Variants in PHF24 observed in about 807,000 individuals in gnomAD.
The protein encoded by PHF24 is PHD finger protein 24.
In PHF24, 25 loss-of-function variants were observed where a neutral mutation model predicts 42.6. The observed-to-expected ratio is 0.59, with a 90% CI of 0.43 to 0.82. The LOEUF (loss-of-function observed/expected upper bound fraction) is 0.82, where lower values mean the gene tolerates loss of function less well. Ranked by LOEUF, PHF24 falls within the 40% of genes least tolerant of loss-of-function variation. PHF24 has a pLI of 0.00. For missense variants in PHF24, 470 were observed against 538.1 expected, an observed-to-expected ratio of 0.87 and a Z score of 1.25; for synonymous variants, 185 against 204.8, an observed-to-expected ratio of 0.90 and a Z score of 0.83.
the PHF24 span, among the ~76,000 whole-genome samples, chr9:34,701,826 T>C: frequency 6.6e-6 from 1 of 151,962 alleles, no homozygotes; most frequent in Non-Finnish European, 1.5e-5. The surrounding 1 kb of genome is among the most constrained non-coding windows in gnomAD (Gnocchi z 5.8). Context: ...GGAAGGCCCG[T>C]GTTTGTCGGC....
the PHF24 span, among the ~76,000 whole-genome samples, chr9:34,911,393 A>G: frequency 3.3e-5 from 5 of 152,112 alleles, no homozygotes; most frequent in African/African-American, 9.7e-5. Flanking sequence ...AGCTGGGATT[A>G]CAGGTGCCCG....
chr9:34,689,874 G>C, the PHF24 span: 4 of 1,614,188 alleles, frequency 2.5e-6, no homozygotes, highest in Non-Finnish European at 3.4e-6. The surrounding 1 kb of genome is among the most constrained non-coding windows in gnomAD (Gnocchi z 4.1). Flanking sequence ...TCATGGGCTG[G>C]AATCTTAGAC....
At chr9:34,809,975 A>G in the PHF24 span, among the ~76,000 whole-genome samples, 3 of 150,720 alleles carry the variant, frequency 2.0e-5, no homozygotes, top group Non-Finnish European at 4.4e-5. The surrounding 1 kb of genome is among the most constrained non-coding windows in gnomAD (Gnocchi z 4.1). Context: ...CCTGCCGGCC[A>G]AGAAAGCCTC....
the PHF24 span, among the ~76,000 whole-genome samples, chr9:34,808,800 C>T: frequency 6.8e-6 from 1 of 148,076 alleles, no homozygotes; most frequent in East Asian, 2.0e-4. Flanking sequence ...GGCAAATCAC[C>T]TCCTAAAGGT....
chr9:34,837,029 G>C, the PHF24 span: 1 of 470,480 alleles, frequency 2.1e-6, no homozygotes, highest in Non-Finnish European at 4.4e-6. Context: ...CCACAGGCCA[G>C]GCTGGTGTTT....
the PHF24 span, among the ~76,000 whole-genome samples, chr9:34,677,644 C>T: frequency 2.6e-5 from 4 of 152,072 alleles, no homozygotes; most frequent in Non-Finnish European, 4.4e-5. Context: ...GTGATCCACC[C>T]GCCTGGGCCT....
chr9:34,793,785 T>C, the PHF24 span, among the ~76,000 whole-genome samples: 1 of 151,830 alleles, frequency 6.6e-6, no homozygotes, highest in African/African-American at 2.4e-5. Context: ...TTTCTTTTTT[T>C]TTTTTTTTAA....
the PHF24 span, among the ~76,000 whole-genome samples, chr9:34,730,238 C>G: frequency 6.6e-6 from 1 of 152,124 alleles, no homozygotes; most frequent in Non-Finnish European, 1.5e-5. Context: ...TTTCTCAAAT[C>G]TGTATTTTGT....
chr9:34,776,260 C>T, the PHF24 span, among the ~76,000 whole-genome samples: 1 of 152,158 alleles, frequency 6.6e-6, no homozygotes, highest in African/African-American at 2.4e-5. Flanking sequence ...ATGGAAATTC[C>T]ACAACTGGAG....
intron 1 of PHF24, among the ~76,000 whole-genome samples, chr9:34,964,129 C>T (rs762890721): frequency 2.0e-5 from 3 of 152,224 alleles, no homozygotes; most frequent in Non-Finnish European, 4.4e-5. Context: ...CTTTACTCCA[C>T]TTGCTCAACC....
At chr9:34,750,618 A>C in the PHF24 span, among the ~76,000 whole-genome samples, 1 of 152,118 alleles carries the variant, frequency 6.6e-6, no homozygotes, top group Non-Finnish European at 1.5e-5. Flanking sequence ...TTATGCAATC[A>C]GTGTTATAAT....
At chr9:34,748,682 C>G in the PHF24 span, among the ~76,000 whole-genome samples, 6 of 152,164 alleles carry the variant, frequency 3.9e-5, no homozygotes, top group Non-Finnish European at 7.3e-5. Flanking sequence ...AACATAGTAT[C>G]ACAACACCCA....
At chr9:34,835,863 A>G in the PHF24 span, 1 of 1,207,878 alleles carries the variant, frequency 8.3e-7, no homozygotes, top group Non-Finnish European at 1.2e-6. Context: ...CAAAGGATAC[A>G]CTAGACAGAG....
the PHF24 span, among the ~76,000 whole-genome samples, chr9:34,793,687 C>T: frequency 3.9e-5 from 6 of 152,006 alleles, no homozygotes; most frequent in South Asian, 2.1e-4. Flanking sequence ...CCTCTAATTC[C>T]GGTTAAAGAG....
the PHF24 span, among the ~76,000 whole-genome samples, chr9:34,679,314 C>T: frequency 6.6e-6 from 1 of 152,238 alleles, no homozygotes; most frequent in Non-Finnish European, 1.5e-5. Flanking sequence ...GGGTCATTGT[C>T]ACCTTTCCCT....
At chr9:34,925,075 A>C in the PHF24 span, among the ~76,000 whole-genome samples, 1 of 152,078 alleles carries the variant, frequency 6.6e-6, no homozygotes, top group Non-Finnish European at 1.5e-5. Context: ...TTGCTTGTCT[A>C]TGAAAGATTT....
chr9:34,931,739 C>T, the PHF24 span, among the ~76,000 whole-genome samples: 1 of 152,158 alleles, frequency 6.6e-6, no homozygotes, highest in African/African-American at 2.4e-5. Context: ...CTTATACAGC[C>T]TGCAGAACTG....
the PHF24 span, chr9:34,709,584 G>C: frequency 6.2e-7 from 1 of 1,614,170 alleles, no homozygotes; most frequent in South Asian, 1.1e-5. Context: ...TGGTTTCTGT[G>C]GGGATGGTGT....
chr9:34,973,025 G>T (rs1458323769), intron 3 of PHF24, among the ~76,000 whole-genome samples: 1 of 152,072 alleles, frequency 6.6e-6, no homozygotes, highest in Non-Finnish European at 1.5e-5. Context: ...TTGTTTGAGG[G>T]GCCAAGTGCA....
Sources: allele counts gnomAD v4.1 joint callset (sites outside exome capture counted in the v4.1 genomes callset), GRCh38; gene constraint gnomAD v4.1.1; non-coding constraint Gnocchi (gnomAD v3.1); transcripts MANE v1.5; gene names NCBI Gene and HGNC (gene_info 2026-07-23, HGNC 2026-07-21).